The following NT5C1A variants were observed in gnomAD, a reference collection of about 807,000 sequenced individuals.
The protein encoded by NT5C1A is 5'-nucleotidase, cytosolic IA.
A neutral mutation model predicts 31.0 loss-of-function variants in NT5C1A; 18 were observed. That is an observed-to-expected ratio of 0.58 (90% CI 0.40 to 0.86). The LOEUF (loss-of-function observed/expected upper bound fraction) is 0.86, where lower values mean the gene tolerates loss of function less well. Among genes scored for constraint, NT5C1A ranks in the 40% least tolerant of loss-of-function variants. The pLI is 0.00. For missense variants in NT5C1A, 470 were observed against 505.4 expected (o/e 0.93, Z 0.67); for synonymous variants, 185 against 203.6 (o/e 0.91, Z 0.78).
rs912768799 is a variant in NT5C1A at position 39,653,569 on chromosome 1, G to C, written c.*5552C>G. ...GGCATATTTAGCAAACATTTCCAGA[G>C]CACCTGAAGTCCTTTTTGGCTGGCT... On this transcript the variant is annotated 3_prime_UTR_variant, in exon 6 of 6. Transcript: ENST00000235628. Among the ~76,000 whole-genome samples the C allele has an allele frequency of 2.0e-5, 3 of 152,208 alleles. No individual in the cohort carries two copies. Among genetic ancestry groups the C allele is most frequent in the Admixed American group, 6.5e-5 (1 of 15,280 alleles).
In NT5C1A at chr1:39,656,884, G is replaced by C. The variant is rs1455284078; in HGVS notation, c.*2237C>G. 1.3e-5 allele frequency among the ~76,000 whole-genome samples: 2 copies of C among 152,226 alleles called. No homozygotes were observed. The highest frequency in any genetic ancestry group is 2.4e-5 in the African/African-American group (1 of 41,446). Reference sequence around the variant, plus strand: ...CTGCAGTTCAGCCAAGAATAAAGGAGACTCAGGGCTGAGCTCCCTCCTTCA... The same window carrying C: ...CTGCAGTTCAGCCAAGAATAAAGGACACTCAGGGCTGAGCTCCCTCCTTCA... On this transcript the variant is annotated 3_prime_UTR_variant, in exon 6 of 6. Coordinates refer to ENST00000235628, the MANE Select transcript of NT5C1A (RefSeq NM_032526.3).
At chr1:39,661,029 C>G (rs754635010) in intron 5 of NT5C1A, 50 bp downstream of exon 5, 1 of 1,184,714 alleles carries the variant, frequency 8.4e-7, no homozygotes, top group Non-Finnish European at 1.2e-6. Context: ...AAGGGCAGGT[C>G]TGGGGAGCTG....
rs1557742789 is a variant in NT5C1A at position 39,653,229 on chromosome 1, G to A, written c.*5892C>T. ...GCCAAGACTTTCTTGGCCAGAGGTT[G>A]GGGGCTGGTCTCGGTGGCCCCCAAG... On this transcript the variant is annotated 3_prime_UTR_variant, in exon 6 of 6. Coordinates refer to ENST00000235628, the MANE Select transcript of NT5C1A (RefSeq NM_032526.3). Among the ~76,000 whole-genome samples the A allele has an allele frequency of 6.6e-6, 1 of 151,992 alleles. No individual in the cohort carries two copies. The highest frequency in any genetic ancestry group is 1.5e-5 in the Non-Finnish European group (1 of 67,990).
At chr1:39,670,634 A>G (rs982653686) in intron 1 of NT5C1A, among the ~76,000 whole-genome samples, 4 of 152,222 alleles carry the variant, frequency 2.6e-5, no homozygotes, top group Admixed American at 6.5e-5. Context: ...ACTCCTTAAC[A>G]TGATCCCCAA....
At position 39,653,573 on chromosome 1, in the gene NT5C1A, C is replaced by T. The variant is rs118053288; in HGVS notation, c.*5548G>A. Among the ~76,000 whole-genome samples the T allele has an allele frequency of 9.2e-5, 14 of 152,308 alleles. No individual in the cohort carries two copies. The East Asian group carries it at 2.7e-3, about 29-fold the overall frequency. Reference sequence around the variant, plus strand: ...TATTTAGCAAACATTTCCAGAGCACCTGAAGTCCTTTTTGGCTGGCTAGAG... The same window carrying T: ...TATTTAGCAAACATTTCCAGAGCACTTGAAGTCCTTTTTGGCTGGCTAGAG... On this transcript the variant is annotated 3_prime_UTR_variant, in exon 6 of 6. Transcript: ENST00000235628.
chr1:39,651,873 T>C lies in NT5C1A; in HGVS notation c.*7248A>G, dbSNP rs1042013554. ...GGTGAAACCCCATCTCTACTAAAAA[T>C]ACAAAAAATTAGCTGGGCATGGTGG... On this transcript the variant is annotated 3_prime_UTR_variant, in exon 6 of 6. Transcript: ENST00000235628. Among the ~76,000 whole-genome samples the C allele has an allele frequency of 4.0e-5, 6 of 150,406 alleles. No homozygotes were observed. Among genetic ancestry groups the C allele is most frequent in the African/African-American group, 1.5e-4 (6 of 40,966 alleles).
chr1:39,659,264 G>C lies in NT5C1A; in HGVS notation c.964C>G (p.Arg322Gly), dbSNP rs1313877289. Residue 322 changes from arginine to glycine, a missense_variant, in exon 6 of 6, where the codon CGC becomes GGC. By Grantham distance (125) the Arg-to-Gly change is moderately radical. Coordinates refer to ENST00000235628, the MANE Select transcript of NT5C1A (RefSeq NM_032526.3). ...TGGTCATCAAAGAAGATGTGTGGGC[G>C]GATCTTCTCAAGGAGAGGGCCCTTG... ...APKGPLLEKI[R>G]PHIFFDDQMF... 6.2e-7 allele frequency: 1 copy of C among 1,614,026 alleles called. No homozygotes were observed.
At chr1:39,662,696 G>A (rs1016915266) in intron 4 of NT5C1A, among the ~76,000 whole-genome samples, 2 of 152,324 alleles carry the variant, frequency 1.3e-5, no homozygotes, top group South Asian at 4.1e-4. Flanking sequence ...GCTCCTCTAT[G>A]GGCCTGTTTA....
At chr1:39,667,123 T>G (rs873917) in intron 1 of NT5C1A, among the ~76,000 whole-genome samples, 96,577 of 151,216 alleles carry the variant, frequency 0.64, 31,240 homozygotes, top group Middle Eastern at 0.74. Context: ...CTACTTCTCT[T>G]TCCATTCCCC....
Position 39,654,626 on chromosome 1 carries a change from T to C in NT5C1A, c.*4495A>G, listed in dbSNP as rs993075814. Among the ~76,000 whole-genome samples, 2 of 152,180 alleles carry C rather than the reference T, an allele frequency of 1.3e-5. No individual in the cohort carries two copies. Among genetic ancestry groups the C allele is most frequent in the Non-Finnish European group, 2.9e-5 (2 of 68,030 alleles). Reference sequence around the variant, plus strand: ...CAAAACTGCAAATTACCATGAGCCATGGGTCGCTTGAAAATAGTCAAAACT... The same window carrying C: ...CAAAACTGCAAATTACCATGAGCCACGGGTCGCTTGAAAATAGTCAAAACT... On this transcript the variant is annotated 3_prime_UTR_variant, in exon 6 of 6. Coordinates refer to ENST00000235628, the MANE Select transcript of NT5C1A (RefSeq NM_032526.3).
At chr1:39,663,495 T>C (rs1646502700) in intron 3 of NT5C1A, 61 bp from the exon 4 acceptor site, 5 of 1,580,610 alleles carry the variant, frequency 3.2e-6, no homozygotes, top group Non-Finnish European at 3.5e-6. Context: ...CAGGGCAGTC[T>C]CTCTGTGCCC....
chr1:39,656,829 A>G lies in NT5C1A; in HGVS notation c.*2292T>C, dbSNP rs1646461139. Reference sequence around the variant, plus strand: ...AGGCTCTTCCACGGGGGTGATTCTGACCCCTGGGAGTGAGAAGGAGAGGGC... The same window carrying G: ...AGGCTCTTCCACGGGGGTGATTCTGGCCCCTGGGAGTGAGAAGGAGAGGGC... On this transcript the variant is annotated 3_prime_UTR_variant, in exon 6 of 6. Coordinates refer to ENST00000235628, the MANE Select transcript of NT5C1A (RefSeq NM_032526.3). Among the ~76,000 whole-genome samples the G allele has an allele frequency of 6.6e-6, 1 of 152,154 alleles. No homozygotes were observed.
intron 1 of NT5C1A, 61 bp from the exon 2 acceptor site, chr1:39,666,297 T>C: frequency 1.3e-6 from 2 of 1,522,086 alleles, no homozygotes; most frequent in Non-Finnish European, 1.8e-6. Context: ...CAGGCTCACA[T>C]GTGTGAGTCT....
intron 5 of NT5C1A, 66 bp from the exon 6 acceptor site, chr1:39,659,552 C>G (rs955485841): frequency 8.0e-6 from 12 of 1,505,774 alleles, no homozygotes; most frequent in Admixed American, 4.5e-5. Context: ...CCTGCTCTCC[C>G]TAAAGCACTA....
chr1:39,659,299 G>A lies in NT5C1A; in HGVS notation c.929C>T (p.Ala310Val). The change falls in exon 6 of 6, where the codon GCT becomes GTT. Residue 310 changes from alanine to valine, a missense_variant. Ala to Val is a moderately conservative substitution (Grantham distance 64). Coordinates refer to ENST00000235628, the MANE Select transcript of NT5C1A (RefSeq NM_032526.3). ...AAGGAGAGGGCCCTTGGGCGCTCCA[G>A]CAAGGAACAAGGCTTCATCTGTCTC... ...GLETDEALFL[A>V]GAPKGPLLEK... is the part of the protein sequence containing the mutation. The A allele has an allele frequency of 6.2e-7, 1 of 1,614,074 alleles. No individual in the cohort carries two copies. Among genetic ancestry groups the A allele is most frequent in the Admixed American group, 1.7e-5 (1 of 60,036 alleles).
rs976744543 is a variant in NT5C1A, at chr1:39,651,398, G to C, written c.*7723C>G. 6.6e-6 allele frequency among the ~76,000 whole-genome samples: 1 copy of C among 152,176 alleles called. No individual in the cohort carries two copies. The highest frequency in any genetic ancestry group is 2.4e-5 in the African/African-American group (1 of 41,442). ...ATGTTACAAAGAGCCAGACAGGTCT[G>C]GATCGATGGGGTGTGCTACTAGTAG... On this transcript the variant is annotated 3_prime_UTR_variant, in exon 6 of 6. Transcript: ENST00000235628.
chr1:39,665,725 G>T, intron 2 of NT5C1A, 75 bp from the exon 3 acceptor site: 1 of 1,432,560 alleles, frequency 7.0e-7, no homozygotes, highest in South Asian at 1.2e-5. Flanking sequence ...AGGATTCAGT[G>T]AGGGGAGGTG....
chr1:39,664,495 T>TCCCCTCCC, intron 3 of NT5C1A, among the ~76,000 whole-genome samples: 1 of 30,988 alleles, frequency 3.2e-5, no homozygotes, highest in African/African-American at 1.5e-4. Context: ...TTTCTCCTCC[T>TCCCCTCCC]CTCCTCTCCT....
In NT5C1A at chr1:39,666,044, G is replaced by A. The variant is rs139014511; in HGVS notation, c.303+25C>T. ...TAATCCCCACGAAGGCGCTATATGA[G>A]CTAGTGGTGGAACTGCTCCCTCACC... On this transcript the variant is annotated intron_variant, in intron 2 of 5. Transcript: ENST00000235628. 6.1e-4 allele frequency: 981 copies of A among 1,604,698 alleles called. 7 individuals are homozygous for A. The African/African-American group carries it at 0.012, about 20-fold the overall frequency.
Sources: allele counts gnomAD v4.1 joint callset (sites outside exome capture counted in the v4.1 genomes callset), GRCh38; gene constraint gnomAD v4.1.1; transcripts MANE v1.5; gene names NCBI Gene and HGNC (gene_info 2026-07-23, HGNC 2026-07-21).